ZNF443: variants seen among roughly 807,000 people sequenced by gnomAD.
ZNF443 encodes the protein zinc finger protein 443, also known as Kruppel-type zinc finger (C2H2).
In ZNF443, 3 loss-of-function variants were observed where a neutral mutation model predicts 12.0. That is an observed-to-expected ratio of 0.25 (90% CI 0.11 to 0.64). The LOEUF (loss-of-function observed/expected upper bound fraction) is 0.64. Ranked by LOEUF, ZNF443 falls within the 30% of genes least tolerant of loss-of-function variation. The probability of loss-of-function intolerance (pLI) is 0.84; values close to 1 mark genes in which losing one functional copy is unlikely to be tolerated. For synonymous variants in ZNF443, 225 were observed against 265.9 expected (o/e 0.85, Z 1.50); for missense variants, 770 against 808.8 (o/e 0.95, Z 0.58).
intron 1 of ZNF443, among the ~76,000 whole-genome samples, chr19:12,434,101 G>A (rs891438641): frequency 2.6e-5 from 4 of 152,030 alleles, no homozygotes; most frequent in African/African-American, 9.7e-5. Context: ...TGGACTTCCC[G>A]GCCTCCAGAA....
chr19:12,436,534 C>G (rs1217348433), intron 1 of ZNF443, among the ~76,000 whole-genome samples: 1 of 150,718 alleles, frequency 6.6e-6, no homozygotes, highest in Non-Finnish European at 1.5e-5. Context: ...CTGCAAGGTA[C>G]AACTAAAATG....
Position 12,440,919 on chromosome 19 carries a change from C to A in ZNF443, c.-5G>T. ...CCGGCCCAGCACACGCACCATTTCC[C>A]GACTTCCGCGGTGTCCCAGGTCCTA... On this transcript the variant is annotated 5_prime_UTR_variant, in exon 1 of 4. Coordinates refer to ENST00000301547, the MANE Select transcript of ZNF443 (RefSeq NM_005815.5). 6.2e-7 allele frequency: 1 copy of A among 1,614,110 alleles called. No individual in the cohort carries two copies.
At chr19:12,438,081 A>G (rs1970331584) in intron 1 of ZNF443, among the ~76,000 whole-genome samples, 2 of 151,050 alleles carry the variant, frequency 1.3e-5, no homozygotes, top group African/African-American at 4.9e-5. Context: ...AGCCTGGACA[A>G]CAGAGATGCT....
intron 1 of ZNF443, among the ~76,000 whole-genome samples, chr19:12,434,345 C>T (rs1297745605): frequency 6.6e-6 from 1 of 152,102 alleles, no homozygotes; most frequent in Non-Finnish European, 1.5e-5. Context: ...CAACTAGTTT[C>T]CTTTAGATCA....
chr19:12,436,760 C>T (rs943461495), intron 1 of ZNF443, among the ~76,000 whole-genome samples: 2 of 151,696 alleles, frequency 1.3e-5, no homozygotes, highest in African/African-American at 4.9e-5. Flanking sequence ...TACACACACA[C>T]ACACACACAC....
chr19:12,439,549 C>G (rs1970344713), intron 1 of ZNF443, among the ~76,000 whole-genome samples: 1 of 152,012 alleles, frequency 6.6e-6, no homozygotes, highest in Non-Finnish European at 1.5e-5. Flanking sequence ...TGCAGAGGCA[C>G]GATCATAGCT....
chr19:12,433,397 T>A (rs1435845679), intron 1 of ZNF443, among the ~76,000 whole-genome samples, 200 bp from the exon 2 acceptor site: 1 of 152,230 alleles, frequency 6.6e-6, no homozygotes, highest in East Asian at 1.9e-4. Context: ...TTTGGTAAAT[T>A]AACAGTGGGA....
At chr19:12,435,720 T>C (rs2144955338) in intron 1 of ZNF443, among the ~76,000 whole-genome samples, 1 of 151,346 alleles carries the variant, frequency 6.6e-6, no homozygotes, top group East Asian at 1.9e-4. Flanking sequence ...TGCTTCATCT[T>C]TTTTACTAGC....
At chr19:12,437,971 C>G (rs1320265959) in intron 1 of ZNF443, among the ~76,000 whole-genome samples, 1 of 151,440 alleles carries the variant, frequency 6.6e-6, no homozygotes, top group Non-Finnish European at 1.5e-5. Context: ...CATGGTAGCA[C>G]GCACCCGTAG....
At chr19:12,439,721 G>A (rs779919431) in intron 1 of ZNF443, among the ~76,000 whole-genome samples, 13 of 151,976 alleles carry the variant, frequency 8.6e-5, no homozygotes, top group Non-Finnish European at 8.8e-5. Context: ...TGGAACTACT[G>A]GGATCAAGCA....
chr19:12,434,516 A>G (rs1199136937), intron 1 of ZNF443, among the ~76,000 whole-genome samples: 1 of 152,196 alleles, frequency 6.6e-6, no homozygotes, highest in African/African-American at 2.4e-5. Context: ...ATGAATATTT[A>G]TAATACTTCC....
intron 1 of ZNF443, among the ~76,000 whole-genome samples, chr19:12,438,418 T>C (rs1043866742): frequency 2.0e-5 from 3 of 152,230 alleles, no homozygotes; most frequent in African/African-American, 7.2e-5. Context: ...ATTTTACTTC[T>C]TTAGCTGTTG....
Position 12,440,916 on chromosome 19 carries a change from T to G in ZNF443, c.-2A>C, listed in dbSNP as rs139351915. 5 of 1,613,942 alleles carry G rather than the reference T, an allele frequency of 3.1e-6. No individual in the cohort carries two copies. In the African/African-American group the frequency reaches 6.7e-5, roughly 22 times the overall value. On this transcript the variant is annotated 5_prime_UTR_variant, in exon 1 of 4. Transcript: ENST00000301547. ...ACGCCGGCCCAGCACACGCACCATT[T>G]CCCGACTTCCGCGGTGTCCCAGGTC...
chr19:12,435,442 G>C (rs1438883068), intron 1 of ZNF443, among the ~76,000 whole-genome samples: 1 of 152,184 alleles, frequency 6.6e-6, no homozygotes, highest in East Asian at 1.9e-4. Context: ...AAAAAGAGCT[G>C]AAGAGAAAAT....
In ZNF443 at chr19:12,440,984, A is replaced by G. The variant is rs1033603226; in HGVS notation, c.-70T>C. On this transcript the variant is annotated 5_prime_UTR_variant, in exon 1 of 4. Coordinates refer to ENST00000301547, the MANE Select transcript of ZNF443 (RefSeq NM_005815.5). Reference sequence around the variant, plus strand: ...TGCCAATGCGTGTTCCAGCCAGACAAAGGCTGCCTCAGAACTTCCAGGTCG... The same window carrying G: ...TGCCAATGCGTGTTCCAGCCAGACAGAGGCTGCCTCAGAACTTCCAGGTCG... 6.2e-6 allele frequency: 10 copies of G among 1,612,654 alleles called. No homozygotes were observed. Among genetic ancestry groups the G allele is most frequent in the Admixed American group, 1.7e-5 (1 of 59,936 alleles).
chr19:12,432,501 T>A (rs1429179896), intron 2 of ZNF443, 64 bp from the exon 3 acceptor site: 1 of 1,170,232 alleles, frequency 8.5e-7, no homozygotes, highest in Non-Finnish European at 1.2e-6. Flanking sequence ...ACAGTAACAT[T>A]TTGATGTACA....
chr19:12,436,780 CA>C (rs1970314884), intron 1 of ZNF443, among the ~76,000 whole-genome samples: 1 of 127,966 alleles, frequency 7.8e-6, no homozygotes. Context: ...CACACACACA[CA>C]CAAATATACA....
intron 2 of ZNF443, among the ~76,000 whole-genome samples, chr19:12,432,848 CT>C (rs1970271472): frequency 6.8e-6 from 1 of 146,378 alleles, no homozygotes; most frequent in African/African-American, 2.5e-5. Context: ...TTAATCACTG[CT>C]TATGTGACTG....
intron 2 of ZNF443, 94 bp from the exon 3 acceptor site, chr19:12,432,531 A>G: frequency 8.3e-6 from 7 of 842,324 alleles, no homozygotes; most frequent in Non-Finnish European, 7.2e-6. Flanking sequence ...TTCAAAATGC[A>G]TTCACTGAAG....
Sources: allele counts gnomAD v4.1 joint callset (sites outside exome capture counted in the v4.1 genomes callset), GRCh38; gene constraint gnomAD v4.1.1; transcripts MANE v1.5; gene names NCBI Gene and HGNC (gene_info 2026-07-23, HGNC 2026-07-21).